Variants in PTGR2 observed in about 807,000 individuals in gnomAD.
The protein encoded by PTGR2 is 15-oxoprostaglandin 13-reductase.
PTGR2 carries 32 observed loss-of-function variants against 43.4 expected under a neutral mutation model. The observed-to-expected ratio is 0.74, with a 90% CI of 0.56 to 0.99. The LOEUF (loss-of-function observed/expected upper bound fraction) is 0.99, where lower values mean the gene tolerates loss of function less well. Among genes scored for constraint, PTGR2 ranks in the 50% least tolerant of loss-of-function variants. PTGR2 has a pLI of 0.00. For synonymous variants in PTGR2, 106 were observed against 139.2 expected (o/e 0.76, Z 1.68); for missense variants, 373 against 420.0 (o/e 0.89, Z 0.98).
intron 5 of PTGR2, 46 bp downstream of exon 5, chr14:73,877,214 G>A: frequency 6.7e-7 from 1 of 1,499,508 alleles, no homozygotes; most frequent in Non-Finnish European, 9.1e-7. Flanking sequence ...TTTGACGATT[G>A]TTATAATTCT....
intron 3 of PTGR2, among the ~76,000 whole-genome samples, chr14:73,868,608 T>G (rs2054655865): frequency 6.6e-6 from 1 of 152,030 alleles, no homozygotes; most frequent in South Asian, 2.1e-4. Context: ...AAACTCCTCC[T>G]CTATCTAACT....
intron 3 of PTGR2, among the ~76,000 whole-genome samples, chr14:73,862,837 A>T (rs976810531): frequency 5.3e-5 from 8 of 151,976 alleles, no homozygotes; most frequent in Admixed American, 2.0e-4. Flanking sequence ...CTTCCCAACT[A>T]GCAGGGACCA....
At chr14:73,857,626 A>G (rs2054380080) in intron 1 of PTGR2, among the ~76,000 whole-genome samples, 1 of 142,046 alleles carries the variant, frequency 7.0e-6, no homozygotes, top group South Asian at 2.3e-4. Flanking sequence ...ACTCCAAAAA[A>G]AAAATTTTTT....
At position 73,880,102 on chromosome 14, in the gene PTGR2, C is replaced by T. The variant is rs1219369062; in HGVS notation, c.777C>T (p.Tyr259=). The part of the protein sequence containing the change: ...HIILCGQISQ[Y]NKDVPYPPPL... ...TCCTGTGTGGTCAAATTTCTCAGTA[C>T]AACAAAGATGTGCCTTATCCTCCCC... Residue 259 remains tyrosine (Y), a synonymous_variant, in exon 7 of 10, where the codon TAC becomes TAT. Transcript: ENST00000555661. 1.2e-6 allele frequency: 2 copies of T among 1,613,710 alleles called. No homozygotes were observed. Among genetic ancestry groups the T allele is most frequent in the East Asian group, 2.2e-5 (1 of 44,864 alleles).
At chr14:73,874,912 A>G (rs1443572043) in intron 4 of PTGR2, among the ~76,000 whole-genome samples, 1 of 152,156 alleles carries the variant, frequency 6.6e-6, no homozygotes, top group Non-Finnish European at 1.5e-5. Context: ...TCTGTCACCC[A>G]GGCTGGAGTG....
chr14:73,875,408 C>T lies in PTGR2; in HGVS notation c.348+1194C>T, dbSNP rs1037595442. Among the ~76,000 whole-genome samples the T allele has an allele frequency of 7.9e-5, 12 of 151,692 alleles. 1 individual carries two copies. The highest frequency in any genetic ancestry group is 6.3e-4 in the South Asian group (3 of 4,784). Reference sequence around the variant, plus strand: ...TTGCCCAGGCTGGAGCGCAGTGGCGCGATCTCGGCTCACTTCAACCTCTGC... The same window carrying T: ...TTGCCCAGGCTGGAGCGCAGTGGCGTGATCTCGGCTCACTTCAACCTCTGC... On this transcript the variant is annotated intron_variant, in intron 4 of 9. Transcript: ENST00000555661.
intron 3 of PTGR2, 21 bp from the exon 4 acceptor site, chr14:73,874,002 C>T: frequency 1.3e-6 from 2 of 1,545,008 alleles, no homozygotes; most frequent in Non-Finnish European, 1.7e-6. Context: ...ATAAAATTAT[C>T]TTAATGTTTT....
chr14:73,882,654 C>T (rs1037753598), intron 9 of PTGR2, among the ~76,000 whole-genome samples: 1 of 151,286 alleles, frequency 6.6e-6, no homozygotes, highest in Admixed American at 6.6e-5. Flanking sequence ...GCGCCTGCCA[C>T]CACGCCTGGC....
chr14:73,858,696 T>G (rs2054419377), intron 1 of PTGR2, 120 bp from the exon 2 acceptor site: 1 of 443,412 alleles, frequency 2.3e-6, no homozygotes, highest in Non-Finnish European at 4.0e-6. Context: ...GAGTTTATCT[T>G]TTTGGATCCT....
chr14:73,878,852 C>G (rs925401392), intron 5 of PTGR2: 3 of 470,664 alleles, frequency 6.4e-6, no homozygotes, highest in Non-Finnish European at 1.1e-5. Flanking sequence ...TTTATTGGGA[C>G]ATATCCCTAT....
chr14:73,869,356 A>G (rs1202482593), intron 3 of PTGR2, among the ~76,000 whole-genome samples: 1 of 151,888 alleles, frequency 6.6e-6, no homozygotes, highest in East Asian at 1.9e-4. Context: ...CAACACAGAA[A>G]GATGCCATCA....
Position 73,881,230 on chromosome 14 carries a change from A to T in PTGR2, c.877A>T (p.Lys293Ter), listed in dbSNP as rs1206926984. The T allele has an allele frequency of 6.2e-7, 1 of 1,608,974 alleles. No homozygotes were observed. Among genetic ancestry groups the T allele is most frequent in the Admixed American group, 1.7e-5 (1 of 59,974 alleles). The change falls in exon 8 of 10, where the codon AAA (lysine) becomes TAA (stop). Residue 293 changes from lysine to a stop codon, truncating the protein, a stop_gained. Transcript: ENST00000555661. LOFTEE classifies it high-confidence loss of function. Reference sequence around the variant, plus strand: ...GGAAAGATTTCTGGTATTAAATTATAAAGACAAATTTGAGCCTGGCATTCT... The same window carrying T: ...GGAAAGATTTCTGGTATTAAATTATTAAGACAAATTTGAGCCTGGCATTCT... ...TRERFLVLNY[K>*]DKFEPGILQL... is the part of the protein sequence containing the mutation.
chr14:73,877,790 C>T (rs547224039), intron 5 of PTGR2: 13 of 152,226 alleles, frequency 8.5e-5, no homozygotes, highest in Admixed American at 6.5e-4. Flanking sequence ...AAAAGTCAAA[C>T]TCACATTTTA....
At chr14:73,872,079 C>T (rs1029715) in intron 3 of PTGR2, among the ~76,000 whole-genome samples, 30 of 152,026 alleles carry the variant, frequency 2.0e-4, no homozygotes, top group African/African-American at 7.0e-4. Flanking sequence ...TCCGTGCTGT[C>T]GTCCTCTACA....
intron 3 of PTGR2, among the ~76,000 whole-genome samples, chr14:73,864,593 T>C (rs548657505): frequency 6.6e-6 from 1 of 152,372 alleles, no homozygotes; most frequent in East Asian, 1.9e-4. Flanking sequence ...ATGTCTTTTT[T>C]GGAGACATGT....
At position 73,879,304 on chromosome 14, in the gene PTGR2, A is replaced by G. The variant is rs939641191; in HGVS notation, c.728A>G (p.Gln243Arg). The part of the protein sequence containing the change: ...GGNISDTVIS[Q>R]MNENSHIILC... ...AACATCAGTGATACAGTGATAAGTC[A>G]GGTTGTTTGCTGATTTCTATAACAA... The change falls in exon 6 of 10, where the codon CAG becomes CGG. Residue 243 changes from glutamine to arginine, a missense_variant and splice_region_variant. Coordinates refer to ENST00000555661, the MANE Select transcript of PTGR2 (RefSeq NM_001146154.2). The G allele has an allele frequency of 6.2e-7, 1 of 1,613,042 alleles. No individual in the cohort carries two copies. Among genetic ancestry groups the G allele is most frequent in the Admixed American group, 1.7e-5 (1 of 59,964 alleles).
At chr14:73,876,909 C>T (rs4899484) in intron 4 of PTGR2, 89 bp from the exon 5 acceptor site, 121,242 of 894,586 alleles carry the variant, frequency 0.14, 9,409 homozygotes, top group Admixed American at 0.24. Context: ...GTTGTGGGGA[C>T]GCAATTCAGT....
At chr14:73,879,441 T>A in intron 6 of PTGR2, 136 bp downstream of exon 6, 1 of 753,692 alleles carries the variant, frequency 1.3e-6, no homozygotes. Context: ...GTATTGTATT[T>A]AAGTGATACA....
chr14:73,857,665 T>TTG (rs2054385399), intron 1 of PTGR2, among the ~76,000 whole-genome samples: 1 of 42,324 alleles, frequency 2.4e-5, no homozygotes, highest in African/African-American at 8.3e-5. Flanking sequence ...GCAGTTAGTG[T>TTG]TTTTTTTTTT....
Sources: gnomAD v4.1 joint callset for allele counts (sites outside exome capture counted in the v4.1 genomes callset) on GRCh38, gnomAD v4.1.1 for gene constraint, MANE v1.5 for transcripts, NCBI Gene and HGNC (gene_info 2026-07-23, HGNC 2026-07-21) for gene names.